CORIN: variants seen among roughly 807,000 people sequenced by gnomAD.
CORIN encodes the protein atrial natriuretic peptide-converting enzyme.
In CORIN, 117 loss-of-function variants were observed where a neutral mutation model predicts 125.3. That is an observed-to-expected ratio of 0.93 (90% CI 0.80 to 1.09). The LOEUF (loss-of-function observed/expected upper bound fraction) is 1.09, where lower values mean the gene tolerates loss of function less well. CORIN is among the 50% of genes least tolerant of loss of function. The pLI is 0.00. For synonymous variants in CORIN, 450 were observed against 466.4 expected, an observed-to-expected ratio of 0.96 and a Z score of 0.45; for missense variants, 1,253 against 1,306.7, an observed-to-expected ratio of 0.96 and a Z score of 0.63.
chr4:47,757,953 G>A (rs1036546607), intron 4 of CORIN, among the ~76,000 whole-genome samples: 18 of 146,668 alleles, frequency 1.2e-4, no homozygotes, highest in South Asian at 6.4e-4. Flanking sequence ...TCACTCCATC[G>A]TCCAGGCTGA....
intron 10 of CORIN, 27 bp downstream of exon 10, chr4:47,674,366 A>G (rs1374318165): frequency 1.4e-6 from 2 of 1,435,556 alleles, no homozygotes; most frequent in African/African-American, 2.8e-5. Context: ...TGACATGGCT[A>G]TTGCATTTGT....
chr4:47,634,309 A>C (rs181711347), intron 16 of CORIN, among the ~76,000 whole-genome samples: 1 of 152,296 alleles, frequency 6.6e-6, no homozygotes, highest in African/African-American at 2.4e-5. Flanking sequence ...TTATAACCAA[A>C]AAAGAAAGAA....
At chr4:47,710,954 C>T (rs138678358) in intron 5 of CORIN, among the ~76,000 whole-genome samples, 106 of 152,332 alleles carry the variant, frequency 7.0e-4, no homozygotes, top group African/African-American at 2.5e-3. Flanking sequence ...GAGCATTAAA[C>T]CAAATGCTGA....
chr4:47,760,873 C>T (rs554432628), intron 4 of CORIN, among the ~76,000 whole-genome samples: 34 of 152,290 alleles, frequency 2.2e-4, no homozygotes, highest in Non-Finnish European at 3.8e-4. Flanking sequence ...GCACTTGTTA[C>T]GTCATCTTGC....
At chr4:47,621,552 G>C (rs1203342354) in intron 19 of CORIN, among the ~76,000 whole-genome samples, 1 of 152,158 alleles carries the variant, frequency 6.6e-6, no homozygotes. Context: ...TGTTTGTTTT[G>C]TTTTGCTACA....
At chr4:47,716,636 G>C (rs1173410514) in intron 5 of CORIN, among the ~76,000 whole-genome samples, 1 of 152,092 alleles carries the variant, frequency 6.6e-6, no homozygotes, top group Admixed American at 6.5e-5. Flanking sequence ...ACAGAATAAT[G>C]TTGTTCAAAT....
At chr4:47,707,058 T>C in intron 5 of CORIN, 1 of 1,436,522 alleles carries the variant, frequency 7.0e-7, no homozygotes, top group East Asian at 2.5e-5. Context: ...ACAGGTGTTA[T>C]TTGTCTGTTA....
rs990823336 is a variant in CORIN at position 47,673,338 on chromosome 4, T to C, written c.1357+1055A>G. Among the ~76,000 whole-genome samples the C allele has an allele frequency of 1.2e-4, 18 of 150,186 alleles. 1 individual carries two copies. The highest frequency in any genetic ancestry group is 9.3e-4 in the Admixed American group (14 of 15,074). Reference sequence around the variant, plus strand: ...TTGCAGTGAGCCGATATCGTGCCACTGCACTCCAGCCTGGGTGACAGAGCC... The same window carrying C: ...TTGCAGTGAGCCGATATCGTGCCACCGCACTCCAGCCTGGGTGACAGAGCC... On this transcript the variant is annotated intron_variant, in intron 10 of 21. Coordinates refer to ENST00000273857, the MANE Select transcript of CORIN (RefSeq NM_006587.4).
intron 13 of CORIN, among the ~76,000 whole-genome samples, chr4:47,648,625 C>T (rs536743055): frequency 7.9e-5 from 12 of 152,294 alleles, no homozygotes; most frequent in African/African-American, 2.6e-4. Flanking sequence ...CAAATCACCT[C>T]AAAGCAGATG....
At chr4:47,670,598 C>T (rs1400625723) in intron 10 of CORIN, among the ~76,000 whole-genome samples, 2 of 152,144 alleles carry the variant, frequency 1.3e-5, no homozygotes, top group African/African-American at 2.4e-5. Flanking sequence ...TAAAGGTTGA[C>T]GAACACTGTG....
At chr4:47,677,134 C>T (rs1290328019) in intron 9 of CORIN, among the ~76,000 whole-genome samples, 1 of 152,186 alleles carries the variant, frequency 6.6e-6, no homozygotes, top group East Asian at 1.9e-4. Context: ...TAAAAGCTCA[C>T]ATATATTGAG....
chr4:47,743,341 G>A (rs757496783), intron 5 of CORIN, among the ~76,000 whole-genome samples: 1 of 152,204 alleles, frequency 6.6e-6, no homozygotes, highest in African/African-American at 2.4e-5. Context: ...CAGATGACTT[G>A]TATCCAGAAT....
chr4:47,725,844 T>C (rs187424861), intron 5 of CORIN, among the ~76,000 whole-genome samples: 3 of 152,076 alleles, frequency 2.0e-5, no homozygotes, highest in Non-Finnish European at 2.9e-5. Context: ...AAATCATATA[T>C]TGAACAAAAG....
At chr4:47,699,741 C>T (rs1006443513) in intron 5 of CORIN, among the ~76,000 whole-genome samples, 1 of 152,192 alleles carries the variant, frequency 6.6e-6, no homozygotes, top group Non-Finnish European at 1.5e-5. Context: ...GAATAAACTA[C>T]TGATGCAGGA....
intron 4 of CORIN, among the ~76,000 whole-genome samples, chr4:47,745,648 A>T (rs562171946): frequency 6.6e-6 from 1 of 151,932 alleles, no homozygotes; most frequent in Non-Finnish European, 1.5e-5. Flanking sequence ...CATTCTACCT[A>T]CTCTCCCTGT....
chr4:47,643,582 A>G (rs576099777), intron 14 of CORIN, among the ~76,000 whole-genome samples: 12 of 152,302 alleles, frequency 7.9e-5, no homozygotes, highest in African/African-American at 2.6e-4. Context: ...GCATGAGCAG[A>G]GCATGAGGGA....
chr4:47,595,654 C>T lies in CORIN; in HGVS notation c.*67G>A. 1.5e-6 allele frequency: 2 copies of T among 1,294,316 alleles called. No individual in the cohort carries two copies. Among genetic ancestry groups the T allele is most frequent in the Non-Finnish European group, 2.1e-6 (2 of 934,248 alleles). 80.2% of individuals were successfully genotyped at this position (1,294,316 alleles called of 1,614,324 possible). On this transcript the variant is annotated 3_prime_UTR_variant, in exon 22 of 22. Transcript: ENST00000273857. ...CTTCTGTACAGCTCTCTGCAGGCAG[C>T]TCTTCACAGTCAAGAAGGCCATTTT...
chr4:47,811,866 G>A (rs965291855), intron 1 of CORIN, among the ~76,000 whole-genome samples: 1 of 152,102 alleles, frequency 6.6e-6, no homozygotes, highest in Non-Finnish European at 1.5e-5. Context: ...ACAACATTGA[G>A]TAGTTGCAAC....
chr4:47,799,803 T>C (rs1056676712), intron 2 of CORIN, among the ~76,000 whole-genome samples: 1 of 152,054 alleles, frequency 6.6e-6, no homozygotes, highest in Non-Finnish European at 1.5e-5. Context: ...TACACACAAA[T>C]ATTCATAACA....
Sources: gnomAD v4.1 joint callset for allele counts (sites outside exome capture counted in the v4.1 genomes callset) on GRCh38, gnomAD v4.1.1 for gene constraint, MANE v1.5 for transcripts, NCBI Gene and HGNC (gene_info 2026-07-23, HGNC 2026-07-21) for gene names.